The following UGT1A9 variants were observed in gnomAD, a reference collection of about 807,000 sequenced individuals.
UGT1A9 encodes UDP glucuronosyltransferase family 1 member A9.
Under a neutral mutation model 45.0 loss-of-function variants are expected in UGT1A9, and 35 were observed. The observed-to-expected ratio is 0.78, with a 90% CI of 0.59 to 1.03. The LOEUF (loss-of-function observed/expected upper bound fraction) is 1.03. Ranked by LOEUF, UGT1A9 falls within the 50% of genes least tolerant of loss-of-function variation. The probability of loss-of-function intolerance (pLI) is 0.00; values close to 1 mark genes in which losing one functional copy is unlikely to be tolerated. For synonymous variants in UGT1A9, 278 were observed against 250.6 expected, an observed-to-expected ratio of 1.11 and a Z score of -1.03; for missense variants, 687 against 666.6, an observed-to-expected ratio of 1.03 and a Z score of -0.34.
chr2:233,693,063 T>C, intron 1 of UGT1A9: 1 of 1,614,188 alleles, frequency 6.2e-7, no homozygotes, highest in Admixed American at 1.7e-5. Context: ...TTCTTAGCAC[T>C]TTGGGGCATG....
chr2:233,770,944 A>T (rs905927558), intron 4 of UGT1A9: 3 of 152,138 alleles, frequency 2.0e-5, no homozygotes, highest in Non-Finnish European at 4.4e-5. Context: ...TGCCGGGGGA[A>T]CCTCAGGGAG....
intron 1 of UGT1A9, among the ~76,000 whole-genome samples, chr2:233,708,182 G>A (rs1229974641): frequency 3.9e-5 from 6 of 152,168 alleles, no homozygotes; most frequent in Admixed American, 3.3e-4. Context: ...TTACTGTGTC[G>A]TGCACATTTT....
chr2:233,743,634 C>T (rs776464072), intron 1 of UGT1A9: 4 of 1,367,180 alleles, frequency 2.9e-6, no homozygotes, highest in Non-Finnish European at 2.0e-6. Flanking sequence ...TCGGCTGGGT[C>T]GCGGAAGCTG....
At chr2:233,743,564 G>C (rs772866173) in intron 1 of UGT1A9, 1 of 1,367,272 alleles carries the variant, frequency 7.3e-7, no homozygotes, top group East Asian at 4.6e-5. Flanking sequence ...ATTCTCCAGC[G>C]GGTTTCCCAA....
chr2:233,769,491 G>A lies in UGT1A9; in HGVS notation c.1295+1052G>A. 1 of 1,612,664 alleles carries A rather than the reference G, an allele frequency of 6.2e-7. No individual in the cohort carries two copies. The highest frequency in any genetic ancestry group is 8.5e-7 in the Non-Finnish European group (1 of 1,179,770). On this transcript the variant is annotated intron_variant, in intron 4 of 4. Coordinates refer to ENST00000354728, the MANE Select transcript of UGT1A9 (RefSeq NM_021027.3). This position sits in a 1 kb window ranked among gnomAD's most constrained non-coding sequence, Gnocchi z 4.4. Reference sequence around the variant, plus strand: ...TGTGTGTGTGTGTGCGTGTGTTTATGAGAGTGTCCATTGCTTTCTCCCATG... The same window carrying A: ...TGTGTGTGTGTGTGCGTGTGTTTATAAGAGTGTCCATTGCTTTCTCCCATG...
At position 233,687,583 on chromosome 2, in the gene UGT1A9, TAAAAA is replaced by T. The variant is rs71398794; in HGVS notation, c.855+14814_855+14818del. ...AGAATTCAAGACCATACATTCTTTG[TAAAAA>T]AAAAAAAAAAAAAAAAAAAGGAAAG... On this transcript the variant is annotated intron_variant, in intron 1 of 4. Transcript: ENST00000354728. Among the ~76,000 whole-genome samples the T allele has an allele frequency of 8.1e-3, 870 of 107,420 alleles. 4 individuals carry two copies. Among genetic ancestry groups the T allele is most frequent in the African/African-American group, 0.023 (698 of 29,714 alleles). 70.5% of individuals were successfully genotyped at this position (107,420 alleles called of 152,430 possible). A position where few individuals can be genotyped will look rare whatever the true frequency, so the allele number is the denominator to read the frequency against.
rs766578846 is a variant in UGT1A9 at position 233,743,643 on chromosome 2, T to C, written c.856-23391T>C. On this transcript the variant is annotated intron_variant, in intron 1 of 4. Transcript: ENST00000354728. ...AAGACGTCGGCTGGGTCGCGGAAGC[T>C]GAAGACGTACTCGAAGGGGTCCTCG... 2.2e-6 allele frequency: 3 copies of C among 1,367,168 alleles called. No homozygotes were observed. In the African/African-American group the frequency reaches 4.5e-5, roughly 20 times the overall value. The allele number at this position is 1,367,168 out of a possible 1,614,324, so 84.7% of individuals were successfully genotyped here.
chr2:233,718,717 C>A (rs1286763118), intron 1 of UGT1A9: 9 of 1,608,524 alleles, frequency 5.6e-6, no homozygotes, highest in Non-Finnish European at 7.6e-6. Flanking sequence ...CAATTACATG[C>A]TGATTTGCTA....
chr2:233,690,304 A>G (rs2074984159), intron 1 of UGT1A9, among the ~76,000 whole-genome samples: 1 of 152,144 alleles, frequency 6.6e-6, no homozygotes, highest in Admixed American at 6.5e-5. Flanking sequence ...TCCTGGCTCC[A>G]TTACTTATGG....
intron 1 of UGT1A9, among the ~76,000 whole-genome samples, chr2:233,686,214 T>G (rs1292644045): frequency 6.6e-6 from 1 of 151,828 alleles, no homozygotes; most frequent in Non-Finnish European, 1.5e-5. Flanking sequence ...ATTAGAAAAA[T>G]ATTTGTGACC....
intron 1 of UGT1A9, among the ~76,000 whole-genome samples, chr2:233,705,428 A>C (rs2075847484): frequency 6.6e-6 from 1 of 152,220 alleles, no homozygotes; most frequent in Non-Finnish European, 1.5e-5. Flanking sequence ...GTGGCTCATA[A>C]CTTATCCTTC....
intron 1 of UGT1A9, among the ~76,000 whole-genome samples, chr2:233,716,440 T>G (rs1338804763): frequency 6.6e-6 from 1 of 152,154 alleles, no homozygotes. Flanking sequence ...AGGTTTTCCT[T>G]CATTTGGCCA....
chr2:233,772,026 TG>T lies in UGT1A9; in HGVS notation c.1296-234del, dbSNP rs35071442. On this transcript the variant is annotated intron_variant, in intron 4 of 4. Transcript: ENST00000354728. Reference sequence around the variant, plus strand: ...TACTCTGGAGGCTGAGGCAGGAGGATGGCTTGAGCCCAGGAGTTGGAGGCTG... The same window carrying T: ...TACTCTGGAGGCTGAGGCAGGAGGATGCTTGAGCCCAGGAGTTGGAGGCTG... 2.7e-3 allele frequency among the ~76,000 whole-genome samples: 414 copies of T among 152,300 alleles called. 2 individuals carry two copies. Among genetic ancestry groups the T allele is most frequent in the African/African-American group, 9.1e-3 (379 of 41,546 alleles).
intron 1 of UGT1A9, among the ~76,000 whole-genome samples, chr2:233,720,042 G>T (rs1048137470): frequency 2.0e-5 from 3 of 152,186 alleles, no homozygotes; most frequent in African/African-American, 7.2e-5. Flanking sequence ...CTGATTTTCA[G>T]CTGAACGGTG....
At chr2:233,718,970 G>A (rs45510694) in intron 1 of UGT1A9, 3 of 1,614,194 alleles carry the variant, frequency 1.9e-6, no homozygotes, top group African/African-American at 1.3e-5. Context: ...CCTTGCGGGA[G>A]CTCCATGCCA....
intron 4 of UGT1A9, chr2:233,771,210 C>A: frequency 6.6e-6 from 1 of 152,206 alleles, no homozygotes. Context: ...GGACAAATAT[C>A]CAAACTGTAT....
chr2:233,714,477 G>T (rs45505392), intron 1 of UGT1A9, among the ~76,000 whole-genome samples: 3,255 of 152,164 alleles, frequency 0.021, 104 homozygotes, highest in African/African-American at 0.073. Context: ...ATAGGAGAAT[G>T]TTTCTTGTGA....
intron 1 of UGT1A9, among the ~76,000 whole-genome samples, chr2:233,724,278 G>C (rs1355966734): frequency 3.9e-5 from 5 of 129,306 alleles, no homozygotes; most frequent in East Asian, 2.5e-4. Flanking sequence ...GCGGCTGGCC[G>C]GGCGGGGGGC....
At chr2:233,760,414 AT>A in intron 1 of UGT1A9, 1 of 1,614,212 alleles carries the variant, frequency 6.2e-7, no homozygotes, top group Non-Finnish European at 8.5e-7. Flanking sequence ...CTGGCTGAGC[AT>A]GCTTGGGGCC....
Sources: gnomAD v4.1 joint callset for allele counts (sites outside exome capture counted in the v4.1 genomes callset) on GRCh38, gnomAD v4.1.1 for gene constraint, Gnocchi (gnomAD v3.1) non-coding constraint, MANE v1.5 for transcripts, NCBI Gene and HGNC (gene_info 2026-07-23, HGNC 2026-07-21) for gene names.